The following UBE2L3 variants were observed in gnomAD, a reference collection of about 807,000 sequenced individuals.
The protein encoded by UBE2L3 is ubiquitin-conjugating enzyme E2 L3.
In UBE2L3, 1 loss-of-function variant was observed where a neutral mutation model predicts 17.8. The ratio of observed to expected loss-of-function variants is 0.06; its 90% CI spans 0.02 to 0.27. The LOEUF is 0.27. UBE2L3 is among the 10% of genes least tolerant of loss of function. The pLI is 1.00. For missense variants in UBE2L3, 40 were observed against 192.6 expected (o/e 0.21, Z 4.69); for synonymous variants, 44 against 68.5 (o/e 0.64, Z 1.76).
chr22:21,575,880 G>A (rs1278559869), intron 1 of UBE2L3, among the ~76,000 whole-genome samples: 6 of 151,784 alleles, frequency 4.0e-5, no homozygotes, highest in Admixed American at 1.3e-4. Flanking sequence ...GCCCTCAGGC[G>A]ATCCACCCAC....
At chr22:21,593,073 C>T (rs1601418530) in intron 2 of UBE2L3, 117 bp downstream of exon 2, 1 of 834,056 alleles carries the variant, frequency 1.2e-6, no homozygotes, top group East Asian at 2.6e-5. Flanking sequence ...AGCAGATGCA[C>T]AGAAGTGGCT....
At chr22:21,602,184 G>A (rs910735228) in intron 2 of UBE2L3, among the ~76,000 whole-genome samples, 1 of 152,110 alleles carries the variant, frequency 6.6e-6, no homozygotes, top group Non-Finnish European at 1.5e-5. Flanking sequence ...CTGTGGAGTC[G>A]CCACCAAGCT....
At chr22:21,585,298 CT>C (rs1426207518) in intron 1 of UBE2L3, among the ~76,000 whole-genome samples, 1 of 152,180 alleles carries the variant, frequency 6.6e-6, no homozygotes, top group Non-Finnish European at 1.5e-5. Context: ...AGGTTCATGC[CT>C]TGTGCTTGGT....
intron 2 of UBE2L3, among the ~76,000 whole-genome samples, chr22:21,608,426 T>G (rs1443755245): frequency 6.6e-6 from 1 of 152,012 alleles, no homozygotes. Context: ...ATATATTTAT[T>G]TTGTTATTAT....
intron 3 of UBE2L3, among the ~76,000 whole-genome samples, chr22:21,617,502 G>A (rs189748668): frequency 1.1e-4 from 17 of 152,200 alleles, no homozygotes; most frequent in African/African-American, 4.1e-4. Context: ...CCTGAGCTCA[G>A]ACAGTCTGCC....
At chr22:21,614,685 T>G (rs895043578) in intron 3 of UBE2L3, 2 of 1,332,578 alleles carry the variant, frequency 1.5e-6, no homozygotes, top group Admixed American at 4.0e-5. Context: ...ATGGAAGAAA[T>G]AGTAATATGA....
chr22:21,584,559 A>G (rs762689661), intron 1 of UBE2L3, among the ~76,000 whole-genome samples: 1 of 151,866 alleles, frequency 6.6e-6, no homozygotes, highest in Admixed American at 6.6e-5. Flanking sequence ...ACTGGAGTGC[A>G]GTGGCATGAT....
chr22:21,603,926 T>C (rs1190631617), intron 2 of UBE2L3, among the ~76,000 whole-genome samples: 1 of 149,766 alleles, frequency 6.7e-6, no homozygotes, highest in East Asian at 1.9e-4. Flanking sequence ...TTTTTTTTTT[T>C]TTTCTGAGAC....
At chr22:21,560,526 C>G (rs1368776065) in intron 1 of UBE2L3, among the ~76,000 whole-genome samples, 1 of 141,052 alleles carries the variant, frequency 7.1e-6, no homozygotes, top group African/African-American at 2.7e-5. Flanking sequence ...TCTTGGCTCA[C>G]TGTAACTTCT....
chr22:21,569,320 C>T (rs1235862919), intron 1 of UBE2L3, among the ~76,000 whole-genome samples: 2 of 148,400 alleles, frequency 1.3e-5, no homozygotes. Context: ...CGCTTGAACC[C>T]GGCAGGTGGA....
chr22:21,563,124 C>A (rs2148393484), upstream of UBE2L3, among the ~76,000 whole-genome samples: 1 of 151,640 alleles, frequency 6.6e-6, no homozygotes, highest in South Asian at 2.1e-4. Context: ...CACATGTAAT[C>A]CCAGCTACTC....
chr22:21,592,201 T>G (rs1172429071), intron 1 of UBE2L3, among the ~76,000 whole-genome samples: 1 of 152,142 alleles, frequency 6.6e-6, no homozygotes, highest in African/African-American at 2.4e-5. Flanking sequence ...CCCTTTCCTT[T>G]TCTGCACTCT....
At chr22:21,555,959 G>A (rs1355469410) in intron 1 of UBE2L3, among the ~76,000 whole-genome samples, 1 of 152,300 alleles carries the variant, frequency 6.6e-6, no homozygotes, top group African/African-American at 2.4e-5. Flanking sequence ...TTGTGGCCCA[G>A]AATGGTGTCT....
At chr22:21,562,029 G>A (rs1404111969) in intron 1 of UBE2L3, among the ~76,000 whole-genome samples, 1 of 151,984 alleles carries the variant, frequency 6.6e-6, no homozygotes, top group African/African-American at 2.4e-5. Flanking sequence ...CTTGCCTACT[G>A]GGGAACTCCT....
intron 1 of UBE2L3, among the ~76,000 whole-genome samples, chr22:21,586,476 G>A (rs1246626356): frequency 1.3e-5 from 2 of 151,906 alleles, no homozygotes; most frequent in African/African-American, 4.8e-5. Flanking sequence ...CACCTTGTTG[G>A]CCGGGCTGGT....
chr22:21,593,103 G>A (rs1006534456), intron 2 of UBE2L3, 147 bp downstream of exon 2: 4 of 670,532 alleles, frequency 6.0e-6, no homozygotes, highest in African/African-American at 1.8e-5. Context: ...GGGTGATAAG[G>A]TAGGGAGTGT....
chr22:21,555,539 C>T (rs190081473), intron 1 of UBE2L3: 137 of 155,626 alleles, frequency 8.8e-4, no homozygotes, highest in Admixed American at 4.0e-3. Context: ...GCAGGAGAAT[C>T]GCTTGAACCC....
At chr22:21,574,836 G>C (rs375584316) in intron 1 of UBE2L3, among the ~76,000 whole-genome samples, 13 of 152,196 alleles carry the variant, frequency 8.5e-5, no homozygotes, top group Admixed American at 1.3e-4. Flanking sequence ...CTGGTGGTGC[G>C]TGCCTGTAAT....
At chr22:21,579,854 A>G (rs923128066) in intron 1 of UBE2L3, among the ~76,000 whole-genome samples, 1 of 152,146 alleles carries the variant, frequency 6.6e-6, no homozygotes, top group Non-Finnish European at 1.5e-5. Context: ...TTTCTGTTAC[A>G]ATTATTTACT....
Sources: gnomAD v4.1 joint callset for allele counts (sites outside exome capture counted in the v4.1 genomes callset) on GRCh38, gnomAD v4.1.1 for gene constraint, MANE v1.5 for transcripts, NCBI Gene and HGNC (gene_info 2026-07-23, HGNC 2026-07-21) for gene names.